SH2D4A: variants seen among roughly 807,000 people sequenced by gnomAD.
The protein encoded by SH2D4A is SH2 domain-containing protein 4A.
Under a neutral mutation model 64.7 loss-of-function variants are expected in SH2D4A, and 70 were observed. That is an observed-to-expected ratio of 1.08 (90% CI 0.89 to 1.32). The LOEUF (loss-of-function observed/expected upper bound fraction) is 1.32, where lower values mean the gene tolerates loss of function less well. Ranked by LOEUF, SH2D4A falls within the 40% of genes most tolerant of loss-of-function variation. The pLI, the probability that SH2D4A is intolerant of heterozygous loss-of-function variation, is 0.00. For synonymous variants in SH2D4A, 268 were observed against 200.7 expected, an observed-to-expected ratio of 1.34 and a Z score of -2.83; for missense variants, 706 against 540.1, an observed-to-expected ratio of 1.31 and a Z score of -3.04.
At chr8:19,315,164 C>G (rs955682882) in intron 1 of SH2D4A, among the ~76,000 whole-genome samples, 1 of 151,974 alleles carries the variant, frequency 6.6e-6, no homozygotes, top group Non-Finnish European at 1.5e-5. Context: ...GAGACAGGGT[C>G]TCCTTCTGTC....
intron 9 of SH2D4A, 88 bp downstream of exon 9, chr8:19,393,629 T>C (rs574146599): frequency 7.5e-7 from 1 of 1,340,058 alleles, no homozygotes; most frequent in African/African-American, 1.4e-5. Flanking sequence ...AGAAAAGGAC[T>C]GAGACAAGTA....
intron 2 of SH2D4A, among the ~76,000 whole-genome samples, chr8:19,331,479 C>T (rs2052364572): frequency 6.6e-6 from 1 of 152,170 alleles, no homozygotes; most frequent in South Asian, 2.1e-4. Flanking sequence ...CCTAGGTACG[C>T]TCCACCTGCC....
Position 19,344,486 on chromosome 8 carries a change from C to G in SH2D4A, c.513+9629C>G, listed in dbSNP as rs1249755510. Reference sequence around the variant, plus strand: ...TCTCTTACTTCTTCTTCTGCTGTCTCTCTTTGACTCCAGCTGGAGAAAGTT... The same window carrying G: ...TCTCTTACTTCTTCTTCTGCTGTCTGTCTTTGACTCCAGCTGGAGAAAGTT... On this transcript the variant is annotated intron_variant, in intron 4 of 9. Coordinates refer to ENST00000265807, the MANE Select transcript of SH2D4A (RefSeq NM_022071.4). 3.3e-5 allele frequency among the ~76,000 whole-genome samples: 5 copies of G among 152,202 alleles called. No homozygotes were observed. In the East Asian group the frequency reaches 7.7e-4, roughly 23 times the overall value.
chr8:19,337,904 A>G (rs1461300295), intron 4 of SH2D4A, among the ~76,000 whole-genome samples: 2 of 152,176 alleles, frequency 1.3e-5, no homozygotes, highest in Non-Finnish European at 2.9e-5. Context: ...GCCAAACCAT[A>G]TCAGACAGAA....
chr8:19,364,034 G>A (rs2052940124), intron 6 of SH2D4A, 38 bp from the exon 7 acceptor site: 1 of 1,605,638 alleles, frequency 6.2e-7, no homozygotes, highest in Non-Finnish European at 8.5e-7. Context: ...TGCTCTGTGG[G>A]CTGATGAGGG....
Position 19,322,612 on chromosome 8 carries a change from C to CTT in SH2D4A, c.181+2904_181+2905dup, listed in dbSNP as rs33946166. On this transcript the variant is annotated intron_variant, in intron 2 of 9. Coordinates refer to ENST00000265807, the MANE Select transcript of SH2D4A (RefSeq NM_022071.4). Reference sequence around the variant, plus strand: ...GCATCACAGAAACTTGTCTATTATTCTTTTTTTTTTTTTTTTTTTTTAAAG... The same window carrying CTT: ...GCATCACAGAAACTTGTCTATTATTCTTTTTTTTTTTTTTTTTTTTTTTAAAG... 5.5e-3 allele frequency among the ~76,000 whole-genome samples: 701 copies of CTT among 126,756 alleles called. 7 individuals are homozygous for CTT. Among genetic ancestry groups the CTT allele is most frequent in the African/African-American group, 0.02 (662 of 33,096 alleles). 83.2% of individuals were successfully genotyped at this position (126,756 alleles called of 152,430 possible). A position where few individuals can be genotyped will look rare whatever the true frequency, so the allele number is the denominator to read the frequency against.
chr8:19,343,901 G>A (rs1459116737), intron 4 of SH2D4A, among the ~76,000 whole-genome samples: 1 of 152,322 alleles, frequency 6.6e-6, no homozygotes, highest in Non-Finnish European at 1.5e-5. Flanking sequence ...CAGGGATGGA[G>A]TGGGTGACAG....
chr8:19,372,213 A>C (rs1200405260), intron 7 of SH2D4A, among the ~76,000 whole-genome samples: 5 of 152,098 alleles, frequency 3.3e-5, no homozygotes, highest in African/African-American at 1.2e-4. Flanking sequence ...TAGAATTCTT[A>C]AATTGTTTCC....
intron 4 of SH2D4A, among the ~76,000 whole-genome samples, chr8:19,349,621 A>C (rs2052665540): frequency 6.6e-6 from 1 of 152,214 alleles, no homozygotes; most frequent in Non-Finnish European, 1.5e-5. Flanking sequence ...TCTGAGGCTA[A>C]GTTTCCCAAT....
intron 7 of SH2D4A, among the ~76,000 whole-genome samples, chr8:19,368,329 C>T (rs916423261): frequency 6.6e-6 from 1 of 152,070 alleles, no homozygotes; most frequent in Non-Finnish European, 1.5e-5. Flanking sequence ...ACAAATTGTT[C>T]TGGCAATTCG....
Position 19,364,248 on chromosome 8 carries a change from C to G in SH2D4A, c.883C>G (p.Leu295Val). 1.9e-6 allele frequency: 3 copies of G among 1,614,176 alleles called. No individual in the cohort carries two copies. The highest frequency in any genetic ancestry group is 2.5e-6 in the Non-Finnish European group (3 of 1,179,994). The change falls in exon 7 of 10, where the codon CTA becomes GTA. Residue 295 changes from leucine (L) to valine (V), a missense_variant. Leu to Val is a conservative substitution (Grantham distance 32). Transcript: ENST00000265807. ...RPPLPPKPQF[L>V]NSGAYPQKPL... is the part of the protein sequence containing the mutation. ...TCCCCTTCCACCCAAGCCTCAGTTC[C>G]TAAACTCAGGGGCATATCCTCAAAA...
At chr8:19,388,966 C>G (rs1166334308) in intron 8 of SH2D4A, among the ~76,000 whole-genome samples, 1 of 152,186 alleles carries the variant, frequency 6.6e-6, no homozygotes, top group Admixed American at 6.5e-5. Context: ...GAGGGGAAAA[C>G]TAGCTGAGTA....
chr8:19,392,568 A>G (rs2053509623), intron 8 of SH2D4A, among the ~76,000 whole-genome samples: 1 of 152,008 alleles, frequency 6.6e-6, no homozygotes, highest in Non-Finnish European at 1.5e-5. Context: ...TCCCCAGGCC[A>G]TTGAGTCCTT....
At chr8:19,349,006 G>A (rs572857161) in intron 4 of SH2D4A, among the ~76,000 whole-genome samples, 1 of 152,212 alleles carries the variant, frequency 6.6e-6, no homozygotes, top group African/African-American at 2.4e-5. Flanking sequence ...ATGTGCTTCC[G>A]AAACACAAGC....
intron 7 of SH2D4A, among the ~76,000 whole-genome samples, chr8:19,364,733 G>A (rs1037465966): frequency 8.5e-5 from 13 of 152,220 alleles, no homozygotes; most frequent in Admixed American, 7.9e-4. Flanking sequence ...ATCAGTGGGA[G>A]TACATTTTCA....
intron 8 of SH2D4A, among the ~76,000 whole-genome samples, chr8:19,379,105 A>G (rs2053247444): frequency 6.6e-6 from 1 of 151,056 alleles, no homozygotes; most frequent in East Asian, 1.9e-4. Flanking sequence ...TTCTACAGCT[A>G]TTACCACCAT....
At position 19,393,343 on chromosome 8, in the gene SH2D4A, T is replaced by C. The variant is rs1188235566; in HGVS notation, c.1074T>C (p.Asn358=). ...GAATTCTCACACTCAAGAAAGCAAA[T>C]GAACTTCTTCTGAGCACAGGCATGC... ...FHGILTLKKA[N]ELLLSTGMPG... is the part of the protein sequence containing the mutation. Residue 358 remains asparagine, a synonymous_variant, in exon 9 of 10, where the codon AAT becomes AAC. Coordinates refer to ENST00000265807, the MANE Select transcript of SH2D4A (RefSeq NM_022071.4). 4 of 1,614,038 alleles carry C rather than the reference T, an allele frequency of 2.5e-6. No individual in the cohort carries two copies. The highest frequency in any genetic ancestry group is 2.7e-5 in the African/African-American group (2 of 74,930).
intron 8 of SH2D4A, among the ~76,000 whole-genome samples, chr8:19,380,811 T>G (rs1033768253): frequency 1.3e-5 from 2 of 152,228 alleles, no homozygotes; most frequent in African/African-American, 4.8e-5. Flanking sequence ...ATGTGTGACG[T>G]CTTCCTGTTT....
Position 19,364,089 on chromosome 8 carries a change from G to A in SH2D4A, c.724G>A (p.Ala242Thr). The A allele has an allele frequency of 6.2e-7, 1 of 1,613,978 alleles. No homozygotes were observed. Among genetic ancestry groups the A allele is most frequent in the South Asian group, 1.1e-5 (1 of 91,078 alleles). Residue 242 changes from alanine (A) to threonine (T), a missense_variant, in exon 7 of 10, where the codon GCT (alanine) becomes ACT (threonine). Physicochemically the swap from Ala to Thr is moderately conservative, Grantham distance 58. Transcript: ENST00000265807. The stretch of plus-strand genomic sequence containing the variant: ...TTTTCCAGTGCGAAAATCCAAAGCA[G>A]CTGATGAGAAGAGACGCTCCTTGGC... ...WQASLRKSKA[A>T]DEKRRSLAKQ... is the part of the protein sequence containing the mutation.
Sources: gnomAD v4.1 joint callset for allele counts (sites outside exome capture counted in the v4.1 genomes callset) on GRCh38, gnomAD v4.1.1 for gene constraint, MANE v1.5 for transcripts, NCBI Gene and HGNC (gene_info 2026-07-23, HGNC 2026-07-21) for gene names.